Variants in PIP4K2B observed in about 807,000 individuals in gnomAD.
PIP4K2B encodes the protein phosphatidylinositol-5-phosphate 4-kinase type 2 beta.
In PIP4K2B, 3 loss-of-function variants were observed where a neutral mutation model predicts 42.0. That is an observed-to-expected ratio of 0.07 (90% CI 0.03 to 0.18). The LOEUF is 0.18. Among genes scored for constraint, PIP4K2B ranks in the 10% least tolerant of loss-of-function variants. The probability of loss-of-function intolerance (pLI) is 1.00; values close to 1 mark genes in which losing one functional copy is unlikely to be tolerated. For missense variants in PIP4K2B, 332 were observed against 562.3 expected (o/e 0.59, Z 4.14); for synonymous variants, 204 against 210.1 (o/e 0.97, Z 0.25).
intron 4 of PIP4K2B, 120 bp downstream of exon 4, chr17:38,780,332 G>T: frequency 2.6e-6 from 2 of 764,082 alleles, no homozygotes; most frequent in Non-Finnish European, 4.1e-6. Flanking sequence ...CCACTGCTTG[G>T]TGATCAGAAG....
In PIP4K2B at chr17:38,784,263, T is replaced by C; in HGVS notation, c.334A>G (p.Ile112Val). Residue 112 changes from isoleucine to valine, a missense_variant, in exon 3 of 10, where the codon ATT becomes GTT. Physicochemically the swap from Ile to Val is conservative, Grantham distance 29. Around this residue, in one of 6 missense-constraint regions of PIP4K2B, gnomAD observed 186 missense variants for 288.4 expected, o/e 0.64. Transcript: ENST00000619039. ...VFRNLRERFG[I>V]DDQDYQNSVT... ...CATACCTGGTAATCCTGATCATCAA[T>C]TCCAAACCTCTCCCGAAGGTTTCGG... is the stretch of plus-strand genomic sequence containing the variant. The C allele has an allele frequency of 6.2e-7, 1 of 1,612,270 alleles. No individual in the cohort carries two copies. The highest frequency in any genetic ancestry group is 8.5e-7 in the Non-Finnish European group (1 of 1,178,302).
At chr17:38,790,678 C>T (rs537359214) in intron 1 of PIP4K2B, among the ~76,000 whole-genome samples, 128 of 152,206 alleles carry the variant, frequency 8.4e-4, no homozygotes, top group African/African-American at 2.9e-3. Flanking sequence ...AGGCTGGTCT[C>T]GAATTCCTGA....
chr17:38,780,679 G>A, intron 3 of PIP4K2B, 75 bp from the exon 4 acceptor site: 1 of 1,448,374 alleles, frequency 6.9e-7, no homozygotes, highest in Non-Finnish European at 9.5e-7. Flanking sequence ...CTTCCCTCAG[G>A]GGCTGGACTG....
intron 6 of PIP4K2B, 145 bp downstream of exon 6, chr17:38,778,189 G>T: frequency 1.3e-6 from 1 of 793,290 alleles, no homozygotes; most frequent in South Asian, 1.4e-5. Context: ...ACAGACAGGT[G>T]ATTCATGACA....
In PIP4K2B at chr17:38,769,644, C is replaced by G. The variant is rs773131264; in HGVS notation, c.*47G>C. On this transcript the variant is annotated 3_prime_UTR_variant, in exon 10 of 10. Transcript: ENST00000619039. ...CACCCTTCTCCCTAACTCCCGATCC[C>G]CGACCCCATATCCAGCTCTCTGGCT... 8.7e-7 allele frequency: 1 copy of G among 1,145,098 alleles called. No homozygotes were observed. Among genetic ancestry groups the G allele is most frequent in the Non-Finnish European group, 1.3e-6 (1 of 751,312 alleles). 70.9% of individuals were successfully genotyped at this position (1,145,098 alleles called of 1,614,324 possible). A position where few individuals can be genotyped will look rare whatever the true frequency, so the allele number is the denominator to read the frequency against.
intron 3 of PIP4K2B, among the ~76,000 whole-genome samples, chr17:38,783,368 G>A (rs1167746949): frequency 6.6e-6 from 1 of 152,154 alleles, no homozygotes; most frequent in Non-Finnish European, 1.5e-5. Flanking sequence ...TAATGTCCCT[G>A]ACACTGGGAT....
chr17:38,783,605 CT>C (rs201633459), intron 3 of PIP4K2B, among the ~76,000 whole-genome samples: 30,462 of 147,990 alleles, frequency 0.21, 3,184 homozygotes, highest in Admixed American at 0.28. Context: ...TTCTCTCTCT[CT>C]TTTTTTTTTT....
At chr17:38,773,573 A>G (rs2072320006) in intron 7 of PIP4K2B, among the ~76,000 whole-genome samples, 1 of 152,216 alleles carries the variant, frequency 6.6e-6, no homozygotes, top group Non-Finnish European at 1.5e-5. Context: ...TGCAGTCACC[A>G]TCATACAGTG....
intron 1 of PIP4K2B, 118 bp from the exon 2 acceptor site, chr17:38,787,038 CTTTTT>C: frequency 2.6e-6 from 2 of 762,878 alleles, no homozygotes; most frequent in Non-Finnish European, 4.6e-6. Flanking sequence ...CCCTCTCTGT[CTTTTT>C]TTGTTTTTTT....
At chr17:38,777,990 C>T (rs1909462720) in intron 6 of PIP4K2B, among the ~76,000 whole-genome samples, 190 bp from the exon 7 acceptor site, 1 of 152,218 alleles carries the variant, frequency 6.6e-6, no homozygotes, top group Non-Finnish European at 1.5e-5. Context: ...AGGGCAAACA[C>T]ATGAAAGATG....
intron 1 of PIP4K2B, among the ~76,000 whole-genome samples, chr17:38,795,762 A>AG (rs1014662649): frequency 3.3e-5 from 5 of 151,922 alleles, no homozygotes; most frequent in African/African-American, 1.2e-4. Flanking sequence ...AGAAAAAAAA[A>AG]AAAAGAAAAG....
Position 38,767,022 on chromosome 17 carries a change from AG to A in PIP4K2B, c.*2668del, listed in dbSNP as rs1273725863. 6.6e-6 allele frequency: 1 copy of A among 152,286 alleles called. No homozygotes were observed. The highest frequency in any genetic ancestry group is 1.5e-5 in the Non-Finnish European group (1 of 68,072). 9.4% of individuals were successfully genotyped at this position (152,286 alleles called of 1,614,324 possible). A position where few individuals can be genotyped will look rare whatever the true frequency, so the allele number is the denominator to read the frequency against. On this transcript the variant is annotated 3_prime_UTR_variant, in exon 10 of 10. Transcript: ENST00000619039. ...AGCCCTATCCTGGCCTCGCCTAATC[AG>A]CCATGTCGTTATTCTTACACCTTTC...
At chr17:38,782,948 G>C (rs576174287) in intron 3 of PIP4K2B, among the ~76,000 whole-genome samples, 3 of 152,180 alleles carry the variant, frequency 2.0e-5, no homozygotes, top group African/African-American at 7.2e-5. Flanking sequence ...AGCACTTTGG[G>C]AGGCCGAGGC....
rs143482459 is a variant in PIP4K2B, at chr17:38,789,796, T to C, written c.160-2876A>G. On this transcript the variant is annotated intron_variant, in intron 1 of 9. Transcript: ENST00000619039. ...TTTGAGAGGGATGCTGGGGGCAGGG[T>C]AGTTTATAAGTTGGCAGTGGAGCAG... Among the ~76,000 whole-genome samples the C allele has an allele frequency of 2.0e-5, 3 of 152,270 alleles. No homozygotes were observed. The East Asian group carries it at 5.8e-4, about 29-fold the overall frequency.
chr17:38,778,322 G>C lies in PIP4K2B; in HGVS notation c.693+12C>G. On this transcript the variant is annotated intron_variant, in intron 6 of 9. Coordinates refer to ENST00000619039, the MANE Select transcript of PIP4K2B (RefSeq NM_003559.5). ...CAAGCGACCCTTCCATTCCTGCTCA[G>C]CACCAGCATACCTTCTCCTTGTCGC... is the stretch of plus-strand genomic sequence containing the variant. 1 of 1,613,580 alleles carries C rather than the reference G, an allele frequency of 6.2e-7. No homozygotes were observed. The highest frequency in any genetic ancestry group is 8.5e-7 in the Non-Finnish European group (1 of 1,179,504).
At position 38,771,108 on chromosome 17, in the gene PIP4K2B, C is replaced by T. The variant is rs535859572; in HGVS notation, c.972G>A (p.Pro324=). The change falls in exon 8 of 10, where the codon CCG becomes CCA. Residue 324 remains proline (P), a synonymous_variant. Transcript: ENST00000619039. The stretch of plus-strand genomic sequence containing the variant: ...AGCTGAGGAGGTTGCCAGGGCTGTC[C>T]GGAGGTGTGCCATAGGAGCAGAGTA... ...GNLLCSYGTP[P]DSPGNLLSFP... 8.7e-6 allele frequency: 14 copies of T among 1,614,116 alleles called. No homozygotes were observed. In the East Asian group the frequency reaches 8.9e-5, roughly 10 times the overall value.
Position 38,766,663 on chromosome 17 carries a change from C to T in PIP4K2B, c.*3028G>A, listed in dbSNP as rs1458543096. Reference sequence around the variant, plus strand: ...CCACTGAGAACAGCCACAGGGGCCACTCGTGGCGCCTGCCACAGACCAGCA... The same window carrying T: ...CCACTGAGAACAGCCACAGGGGCCATTCGTGGCGCCTGCCACAGACCAGCA... On this transcript the variant is annotated 3_prime_UTR_variant, in exon 10 of 10. Transcript: ENST00000619039. 1.3e-5 allele frequency: 2 copies of T among 152,704 alleles called. No homozygotes were observed. Among genetic ancestry groups the T allele is most frequent in the African/African-American group, 2.4e-5 (1 of 41,442 alleles). 9.5% of individuals were successfully genotyped at this position (152,704 alleles called of 1,614,324 possible). A position where few individuals can be genotyped will look rare whatever the true frequency, so the allele number is the denominator to read the frequency against.
At chr17:38,777,486 A>G (rs190252945) in intron 7 of PIP4K2B, among the ~76,000 whole-genome samples, 2 of 152,360 alleles carry the variant, frequency 1.3e-5, no homozygotes, top group East Asian at 3.9e-4. Context: ...CAAAGGTCCT[A>G]CTGGCGCCAA....
chr17:38,786,862 G>C lies in PIP4K2B; in HGVS notation c.218C>G (p.Ala73Gly). 6.2e-7 allele frequency: 1 copy of C among 1,612,918 alleles called. No homozygotes were observed. Among genetic ancestry groups the C allele is most frequent in the Non-Finnish European group, 8.5e-7 (1 of 1,178,928 alleles). ...PVMLMPDDFK[A>G]YSKIKVDNHL... ...ATTGTCCACCTTGATCTTGCTGTAG[G>C]CTTTGAAGTCATCTGGCATTAGCAT... Residue 73 changes from alanine (A) to glycine (G), a missense_variant, in exon 2 of 10, where the codon GCC becomes GGC. By Grantham distance (60) the Ala-to-Gly change is moderately conservative. Coordinates refer to ENST00000619039, the MANE Select transcript of PIP4K2B (RefSeq NM_003559.5).
Sources: gnomAD v4.1 joint callset for allele counts (sites outside exome capture counted in the v4.1 genomes callset) on GRCh38, gnomAD v4.1.1 for gene constraint, gnomAD v4.1.1 regional missense constraint, MANE v1.5 for transcripts, NCBI Gene and HGNC (gene_info 2026-07-23, HGNC 2026-07-21) for gene names.